The following NCOA6 variants were observed in gnomAD, a reference collection of about 807,000 sequenced individuals.
The protein encoded by NCOA6 is nuclear receptor coactivator 6.
In NCOA6, 49 loss-of-function variants were observed where a neutral mutation model predicts 171.4. The ratio of observed to expected loss-of-function variants is 0.29; its 90% CI spans 0.23 to 0.36. The LOEUF is 0.36. Ranked by LOEUF, NCOA6 falls within the 10% of genes least tolerant of loss-of-function variation. The pLI, the probability that NCOA6 is intolerant of heterozygous loss-of-function variation, is 1.00. For missense variants in NCOA6, 2,248 were observed against 2,554.5 expected (o/e 0.88, Z 2.59); for synonymous variants, 910 against 927.5 (o/e 0.98, Z 0.34).
intron 4 of NCOA6, among the ~76,000 whole-genome samples, chr20:34,771,899 T>C (rs1048285966): frequency 2.0e-5 from 3 of 152,236 alleles, no homozygotes; most frequent in African/African-American, 7.2e-5. Flanking sequence ...GCACATTCCA[T>C]GTAATCATTC....
chr20:34,727,410 G>C lies in NCOA6; in HGVS notation c.6000-3C>G. 1 of 1,613,286 alleles carries C rather than the reference G, an allele frequency of 6.2e-7. No homozygotes were observed. The highest frequency in any genetic ancestry group is 8.5e-7 in the Non-Finnish European group (1 of 1,179,988). ...CAACTATCTCTTTGGGCTCACTGCTGACAGAGGGAAGCAAAAAGTTTCCAA... is the reference window on the plus strand; with the variant it reads ...CAACTATCTCTTTGGGCTCACTGCTCACAGAGGGAAGCAAAAAGTTTCCAA... On this transcript the variant is annotated splice_polypyrimidine_tract_variant and splice_region_variant and intron_variant, in intron 13 of 14. Coordinates refer to ENST00000359003, the MANE Select transcript of NCOA6 (RefSeq NM_014071.5).
At position 34,755,614 on chromosome 20, in the gene NCOA6, T is replaced by C. The variant is rs752542778; in HGVS notation, c.1529-746A>G. ...TAAGGAGAATCTCAGAACCCACTTA[T>C]CATTTACAACACAGGCCTTGATGTG... On this transcript the variant is annotated intron_variant, in intron 7 of 14. Transcript: ENST00000359003. 1.3e-3 allele frequency among the ~76,000 whole-genome samples: 197 copies of C among 152,348 alleles called. 1 individual carries two copies. Among genetic ancestry groups the C allele is most frequent in the Non-Finnish European group, 1.6e-4 (11 of 68,032 alleles).
At chr20:34,805,546 A>G (rs2078419851) in intron 1 of NCOA6, among the ~76,000 whole-genome samples, 1 of 152,204 alleles carries the variant, frequency 6.6e-6, no homozygotes, top group Non-Finnish European at 1.5e-5. Flanking sequence ...GATGGACACA[A>G]GTTGATTATC....
chr20:34,750,403 T>C lies in NCOA6; in HGVS notation c.1792A>G (p.Thr598Ala). 1.2e-6 allele frequency: 2 copies of C among 1,614,062 alleles called. No homozygotes were observed. Among genetic ancestry groups the C allele is most frequent in the South Asian group, 1.1e-5 (1 of 91,082 alleles). The change falls in exon 9 of 15, where the codon ACT becomes GCT. Residue 598 changes from threonine to alanine, a missense_variant. By Grantham distance (58) the Thr-to-Ala change is moderately conservative. Around this residue, in one of 7 missense-constraint regions of NCOA6, gnomAD observed 987 missense variants for 1,104.7 expected, o/e 0.89. Coordinates refer to ENST00000359003, the MANE Select transcript of NCOA6 (RefSeq NM_014071.5). ...HGNMNNQQAG[T>A]SGVPQVNLSN... ...AGGTTCACTTGAGGAACCCCAGAAG[T>C]ACCAGCCTGCTGATTGTTCATGTTG...
chr20:34,743,457 T>C, intron 10 of NCOA6, 116 bp from the exon 11 acceptor site: 2 of 1,095,740 alleles, frequency 1.8e-6, no homozygotes, highest in Non-Finnish European at 2.6e-6. Context: ...CACAAACAGC[T>C]CAGGCATGCC....
chr20:34,807,120 T>C (rs900024014), intron 1 of NCOA6, among the ~76,000 whole-genome samples: 9 of 152,212 alleles, frequency 5.9e-5, no homozygotes, highest in Admixed American at 5.9e-4. Flanking sequence ...TCCATCTTCC[T>C]AGGAGACTTG....
intron 1 of NCOA6, among the ~76,000 whole-genome samples, chr20:34,801,553 A>G (rs1014463504): frequency 1.3e-5 from 2 of 152,242 alleles, no homozygotes; most frequent in Admixed American, 6.5e-5. Context: ...GTTAGAGGCT[A>G]CTATAAGCAA....
intron 5 of NCOA6, among the ~76,000 whole-genome samples, chr20:34,763,661 G>A (rs1001726562): frequency 2.6e-4 from 40 of 152,138 alleles, no homozygotes; most frequent in African/African-American, 9.4e-4. Context: ...CCTACCTAAT[G>A]TTAATGACTT....
intron 8 of NCOA6, 55 bp downstream of exon 8, chr20:34,754,667 A>G: frequency 6.2e-7 from 1 of 1,605,484 alleles, no homozygotes; most frequent in Non-Finnish European, 8.5e-7. Context: ...TTGTCTATCA[A>G]GTCTACGACA....
intron 14 of NCOA6, among the ~76,000 whole-genome samples, chr20:34,720,753 A>G (rs1325541565): frequency 2.6e-5 from 4 of 152,220 alleles, no homozygotes; most frequent in Admixed American, 2.6e-4. Context: ...CCAGCACTGC[A>G]TATGTCCCCA....
At chr20:34,796,017 T>TC (rs2146385881) in intron 1 of NCOA6, among the ~76,000 whole-genome samples, 1 of 142,812 alleles carries the variant, frequency 7.0e-6, no homozygotes, top group African/African-American at 2.6e-5. Context: ...TTTTTTTTTT[T>TC]TTTTTTTTTT....
chr20:34,777,323 C>T (rs945720274), intron 3 of NCOA6, among the ~76,000 whole-genome samples: 5 of 151,830 alleles, frequency 3.3e-5, no homozygotes, highest in Non-Finnish European at 7.4e-5. Flanking sequence ...GAAATAGAAC[C>T]TGCGGGGCAC....
At chr20:34,785,637 T>G (rs1196377904) in intron 2 of NCOA6, among the ~76,000 whole-genome samples, 1 of 152,092 alleles carries the variant, frequency 6.6e-6, no homozygotes, top group Non-Finnish European at 1.5e-5. Context: ...AAACTATGAC[T>G]ATTTAGCAGC....
Position 34,768,551 on chromosome 20 carries a change from G to C in NCOA6, c.427C>G (p.Arg143Gly). The C allele has an allele frequency of 1.9e-6, 3 of 1,614,050 alleles. No individual in the cohort carries two copies. Among genetic ancestry groups the C allele is most frequent in the Non-Finnish European group, 2.5e-6 (3 of 1,179,998 alleles). Residue 143 changes from arginine (R) to glycine (G), a missense_variant, in exon 5 of 15, where the codon CGA becomes GGA. Transcript: ENST00000359003. ...GAINLALAQN[R>G]SQDVRMNGPM... ...CCATTCATTCTCACATCTTGGCTTC[G>C]GTTCTGAGCCAAAGCCAGGTTAATA...
At chr20:34,813,457 C>T (rs1402414969) in intron 1 of NCOA6, among the ~76,000 whole-genome samples, 1 of 146,650 alleles carries the variant, frequency 6.8e-6, no homozygotes, top group Non-Finnish European at 1.5e-5. Context: ...CAGAGTGAAA[C>T]TCTGTCTTAA....
intron 14 of NCOA6, among the ~76,000 whole-genome samples, chr20:34,723,187 A>G (rs1989579912): frequency 6.6e-6 from 1 of 152,164 alleles, no homozygotes; most frequent in Non-Finnish European, 1.5e-5. Flanking sequence ...TGGGGCTTGC[A>G]CCTGGCATTG....
At chr20:34,751,376 C>CAAAAAAAAAAAAAAAAAA (rs35848122) in intron 8 of NCOA6, among the ~76,000 whole-genome samples, 83 of 68,206 alleles carry the variant, frequency 1.2e-3, no homozygotes, top group Middle Eastern at 0.014. Flanking sequence ...GACTCCGTCT[C>CAAAAAAAAAAAAAAAAAA]AAAAAAAAAA....
chr20:34,764,150 C>G (rs140847755), intron 5 of NCOA6, among the ~76,000 whole-genome samples: 1 of 150,440 alleles, frequency 6.6e-6, no homozygotes, highest in East Asian at 2.0e-4. Flanking sequence ...TGCAGTGGCG[C>G]GATCTCGGCT....
At chr20:34,798,889 C>T (rs924088231) in intron 1 of NCOA6, among the ~76,000 whole-genome samples, 7 of 152,168 alleles carry the variant, frequency 4.6e-5, no homozygotes, top group Non-Finnish European at 7.3e-5. Context: ...CAAGCCCAGA[C>T]TGTAAAGACT....
Sources: gnomAD v4.1 joint callset for allele counts (sites outside exome capture counted in the v4.1 genomes callset) on GRCh38, gnomAD v4.1.1 for gene constraint, gnomAD v4.1.1 regional missense constraint, MANE v1.5 for transcripts, NCBI Gene and HGNC (gene_info 2026-07-23, HGNC 2026-07-21) for gene names.